WWOX: variants seen among roughly 807,000 people sequenced by gnomAD.
WWOX encodes WW domain containing oxidoreductase, also known as WW domain-containing oxidoreductase.
Under a neutral mutation model 46.2 loss-of-function variants are expected in WWOX, and 69 were observed. That is an observed-to-expected ratio of 1.49 (90% CI 1.23 to 1.82). The LOEUF (loss-of-function observed/expected upper bound fraction) is 1.82, where lower values mean the gene tolerates loss of function less well. Ranked by LOEUF, WWOX falls within the 40% of genes most tolerant of loss-of-function variation. The pLI, the probability that WWOX is intolerant of heterozygous loss-of-function variation, is 0.00. For missense variants in WWOX, 919 were observed against 542.6 expected, an observed-to-expected ratio of 1.69 and a Z score of -6.89; for synonymous variants, 359 against 202.6, an observed-to-expected ratio of 1.77 and a Z score of -6.56.
intron 8 of WWOX, among the ~76,000 whole-genome samples, chr16:78,881,995 G>T (rs944135936): frequency 6.6e-6 from 1 of 151,858 alleles, no homozygotes; most frequent in South Asian, 2.1e-4. Flanking sequence ...GTGTGGTGGC[G>T]CATGCCTGTA....
intron 8 of WWOX, among the ~76,000 whole-genome samples, chr16:79,174,827 G>T (rs561623359): frequency 5.0e-4 from 76 of 152,286 alleles, no homozygotes; most frequent in Admixed American, 8.5e-4. Flanking sequence ...TACTAATTAA[G>T]AGTAAAAAGA....
At chr16:78,399,624 T>G (rs1202835017) in intron 6 of WWOX, among the ~76,000 whole-genome samples, 2 of 152,182 alleles carry the variant, frequency 1.3e-5, no homozygotes, top group African/African-American at 4.8e-5. Flanking sequence ...CGTCAGGGTT[T>G]CAACATTTGG....
At chr16:79,123,833 T>C (rs1033464249) in intron 8 of WWOX, among the ~76,000 whole-genome samples, 12 of 152,146 alleles carry the variant, frequency 7.9e-5, no homozygotes, top group African/African-American at 2.9e-4. Context: ...ATCCGATTAG[T>C]GAATCAAGAG....
chr16:78,648,179 G>C (rs923777859), intron 8 of WWOX, among the ~76,000 whole-genome samples: 1 of 152,158 alleles, frequency 6.6e-6, no homozygotes, highest in African/African-American at 2.4e-5. Flanking sequence ...ATGAAAAACG[G>C]CTATTTCTTT....
chr16:79,049,693 T>G (rs1043320925), intron 8 of WWOX, among the ~76,000 whole-genome samples: 1 of 151,822 alleles, frequency 6.6e-6, no homozygotes, highest in Non-Finnish European at 1.5e-5. Context: ...AAAATTAGCC[T>G]GGCGTGGTGG....
intron 6 of WWOX, among the ~76,000 whole-genome samples, chr16:78,399,181 A>G (rs1361755849): frequency 1.3e-5 from 2 of 152,198 alleles, no homozygotes; most frequent in East Asian, 3.9e-4. Context: ...GACAGGAAGG[A>G]TGGAACGGAA....
At chr16:79,144,715 A>G (rs965770853) in intron 8 of WWOX, among the ~76,000 whole-genome samples, 1 of 152,194 alleles carries the variant, frequency 6.6e-6, no homozygotes, top group Non-Finnish European at 1.5e-5. Flanking sequence ...AATGTTCTGT[A>G]CAGTAGTCCT....
chr16:78,984,724 G>T (rs1276785793), intron 8 of WWOX, among the ~76,000 whole-genome samples: 3 of 152,162 alleles, frequency 2.0e-5, no homozygotes, highest in Non-Finnish European at 4.4e-5. Context: ...TTGTAATACC[G>T]TTTAGTTAGA....
At chr16:78,926,197 A>T (rs758889188) in intron 8 of WWOX, among the ~76,000 whole-genome samples, 3 of 151,944 alleles carry the variant, frequency 2.0e-5, no homozygotes, top group Non-Finnish European at 4.4e-5. Context: ...AACATGGCAA[A>T]ACCTTACCTC....
At chr16:78,462,603 C>T (rs1484542314) in intron 8 of WWOX, among the ~76,000 whole-genome samples, 1 of 152,162 alleles carries the variant, frequency 6.6e-6, no homozygotes. Flanking sequence ...ACCGGGAGAT[C>T]AGAGGTCCGT....
intron 8 of WWOX, among the ~76,000 whole-genome samples, chr16:78,774,498 G>T (rs371584997): frequency 1.5e-3 from 27 of 17,702 alleles, no homozygotes; most frequent in African/African-American, 4.0e-3. Flanking sequence ...GACCCATTTT[G>T]TGTGTGTGTG....
At chr16:78,519,329 G>C (rs1325656241) in intron 8 of WWOX, among the ~76,000 whole-genome samples, 1 of 152,064 alleles carries the variant, frequency 6.6e-6, no homozygotes, top group East Asian at 1.9e-4. Context: ...ATGTTGCTCT[G>C]GTAATAGTCA....
chr16:79,124,469 G>A (rs2049707996), intron 8 of WWOX, among the ~76,000 whole-genome samples: 1 of 152,204 alleles, frequency 6.6e-6, no homozygotes, highest in South Asian at 2.1e-4. Flanking sequence ...CAGGGCAGGA[G>A]GGTGGTGTGG....
At chr16:78,411,930 T>C (rs2082690671) in intron 6 of WWOX, among the ~76,000 whole-genome samples, 1 of 152,226 alleles carries the variant, frequency 6.6e-6, no homozygotes, top group Admixed American at 6.5e-5. Flanking sequence ...ACTGGAAATC[T>C]GTTTCCGCCC....
chr16:78,737,004 G>C (rs987852080), intron 8 of WWOX, among the ~76,000 whole-genome samples: 2 of 152,178 alleles, frequency 1.3e-5, no homozygotes, highest in Non-Finnish European at 2.9e-5. Context: ...TAGGTTTGCA[G>C]AGTGATGAGT....
chr16:79,039,902 G>C (rs1330459322), intron 8 of WWOX, among the ~76,000 whole-genome samples: 1 of 152,146 alleles, frequency 6.6e-6, no homozygotes, highest in Non-Finnish European at 1.5e-5. Flanking sequence ...CTGATACGCT[G>C]GGCTCCATGC....
chr16:78,640,164 G>C (rs529630518), intron 8 of WWOX, among the ~76,000 whole-genome samples: 4 of 149,772 alleles, frequency 2.7e-5, no homozygotes, highest in Non-Finnish European at 5.9e-5. Flanking sequence ...AGTGTCTGGA[G>C]TTGCCAACGT....
At chr16:78,356,947 T>C (rs181280061) in intron 5 of WWOX, among the ~76,000 whole-genome samples, 1 of 152,266 alleles carries the variant, frequency 6.6e-6, no homozygotes, top group African/African-American at 2.4e-5. Context: ...CAATCAAGGA[T>C]TAAATGGCCA....
At chr16:78,448,212 A>T (rs1273594709) in intron 8 of WWOX, among the ~76,000 whole-genome samples, 1 of 152,116 alleles carries the variant, frequency 6.6e-6, no homozygotes, top group Non-Finnish European at 1.5e-5. Flanking sequence ...CCTTCAGCTC[A>T]TTTTCTGAAG....
Sources: allele counts gnomAD v4.1 joint callset (sites outside exome capture counted in the v4.1 genomes callset), GRCh38; gene constraint gnomAD v4.1.1; transcripts MANE v1.5; gene names NCBI Gene and HGNC (gene_info 2026-07-23, HGNC 2026-07-21).